CCDC178: variants seen among roughly 807,000 people sequenced by gnomAD.
The protein encoded by CCDC178 is coiled-coil domain-containing protein 178.
In CCDC178, 126 loss-of-function variants were observed where a neutral mutation model predicts 117.4. That is an observed-to-expected ratio of 1.07 (90% confidence interval 0.93 to 1.24). CCDC178 has a LOEUF of 1.24. CCDC178 is among the 50% of genes most tolerant of loss of function. The pLI is 0.00. For missense variants in CCDC178, 1,030 were observed against 986.9 expected, an observed-to-expected ratio of 1.04 and a Z score of -0.59; for synonymous variants, 283 against 313.4, an observed-to-expected ratio of 0.90 and a Z score of 1.02.
At chr18:33,415,056 T>C (rs2063915300) in intron 2 of CCDC178, among the ~76,000 whole-genome samples, 1 of 152,170 alleles carries the variant, frequency 6.6e-6, no homozygotes, top group Non-Finnish European at 1.5e-5. Flanking sequence ...AAACAATAGA[T>C]GCTGGAGAGG....
intron 20 of CCDC178, among the ~76,000 whole-genome samples, chr18:33,128,264 T>C (rs1186960871): frequency 6.6e-6 from 1 of 152,198 alleles, no homozygotes; most frequent in Non-Finnish European, 1.5e-5. Context: ...ATTGTTAAAA[T>C]GGTAAAGTCA....
intron 5 of CCDC178, among the ~76,000 whole-genome samples, chr18:33,375,146 T>C (rs2063347744): frequency 6.6e-6 from 1 of 152,196 alleles, no homozygotes; most frequent in African/African-American, 2.4e-5. Flanking sequence ...AAAAGACCAC[T>C]AAGCATATCC....
chr18:33,129,273 C>T (rs936898836), intron 20 of CCDC178, among the ~76,000 whole-genome samples: 1 of 151,996 alleles, frequency 6.6e-6, no homozygotes, highest in Non-Finnish European at 1.5e-5. Context: ...GAGTGCAAGA[C>T]ACTAGTTAAT....
intron 15 of CCDC178, among the ~76,000 whole-genome samples, 154 bp downstream of exon 15, chr18:33,245,089 GGA>G (rs1481013271): frequency 2.6e-5 from 4 of 151,906 alleles, no homozygotes; most frequent in Non-Finnish European, 5.9e-5. Flanking sequence ...CTGAGCCTTT[GGA>G]GAGAGGTGGT....
chr18:33,060,454 T>A (rs773233486), intron 21 of CCDC178, among the ~76,000 whole-genome samples: 9 of 152,144 alleles, frequency 5.9e-5, no homozygotes, highest in Non-Finnish European at 1.2e-4. Flanking sequence ...GATGCCCAGT[T>A]TTCTCAAATA....
intron 21 of CCDC178, among the ~76,000 whole-genome samples, chr18:33,063,620 C>A (rs757384140): frequency 1.3e-5 from 2 of 152,148 alleles, no homozygotes; most frequent in East Asian, 3.9e-4. Context: ...CCACTACACA[C>A]GCTGTACACA....
At chr18:33,260,562 G>A (rs1425368953) in intron 14 of CCDC178, among the ~76,000 whole-genome samples, 1 of 151,046 alleles carries the variant, frequency 6.6e-6, no homozygotes, top group Non-Finnish European at 1.5e-5. Flanking sequence ...TATTTTATCA[G>A]TCTGTGGTTT....
At chr18:33,257,797 C>T (rs1428517009) in intron 14 of CCDC178, among the ~76,000 whole-genome samples, 1 of 152,102 alleles carries the variant, frequency 6.6e-6, no homozygotes, top group Non-Finnish European at 1.5e-5. Flanking sequence ...TTGGGATCCT[C>T]CTCATCACTG....
At chr18:33,016,550 A>G (rs917624302) in intron 21 of CCDC178, among the ~76,000 whole-genome samples, 4 of 152,060 alleles carry the variant, frequency 2.6e-5, no homozygotes, top group Non-Finnish European at 2.9e-5. Flanking sequence ...AATTGAATAA[A>G]GAAATAATTA....
intron 20 of CCDC178, among the ~76,000 whole-genome samples, chr18:33,152,035 A>G (rs1274132442): frequency 6.6e-6 from 1 of 152,236 alleles, no homozygotes; most frequent in Non-Finnish European, 1.5e-5. Flanking sequence ...AGCATTCAAC[A>G]CAATTATTGA....
chr18:33,197,310 C>T (rs940844516), intron 20 of CCDC178, among the ~76,000 whole-genome samples: 3 of 152,062 alleles, frequency 2.0e-5, no homozygotes, highest in Admixed American at 6.6e-5. Flanking sequence ...ATTGCAGGTG[C>T]GAGCCACCGC....
intron 22 of CCDC178, among the ~76,000 whole-genome samples, chr18:32,960,243 T>C (rs974738977): frequency 3.3e-5 from 5 of 152,108 alleles, no homozygotes; most frequent in African/African-American, 1.2e-4. Flanking sequence ...CAGGCACTCA[T>C]GGATATTGTC....
In CCDC178 at chr18:33,419,174, A is replaced by ACC. The variant is rs368357643; in HGVS notation, c.-22-7065_-22-7064insGG. ...ATCTGGTCTTTGACAAAGTCGACAA[A>ACC]AACAAGCAACGGAGAAAGGACACCC... On this transcript the variant is annotated intron_variant, in intron 2 of 22. Transcript: ENST00000383096. Among the ~76,000 whole-genome samples, 840 of 152,314 alleles carry ACC rather than the reference A, an allele frequency of 5.5e-3. 6 individuals carry two copies. The highest frequency in any genetic ancestry group is 0.019 in the African/African-American group (794 of 41,560).
intron 21 of CCDC178, among the ~76,000 whole-genome samples, chr18:33,014,858 C>G (rs1022452389): frequency 2.0e-5 from 3 of 151,960 alleles, no homozygotes; most frequent in African/African-American, 7.3e-5. Flanking sequence ...ATAACAAGAA[C>G]AAAAAACCCT....
chr18:33,036,589 G>C lies in CCDC178; in HGVS notation c.2388+56172C>G, dbSNP rs117101407. Among the ~76,000 whole-genome samples the C allele has an allele frequency of 7.7e-3, 1,167 of 151,912 alleles. 10 individuals are homozygous for C. The highest frequency in any genetic ancestry group is 9.6e-3 in the Non-Finnish European group (652 of 67,882). On this transcript the variant is annotated intron_variant, in intron 21 of 22. Coordinates refer to ENST00000383096, the MANE Select transcript of CCDC178 (RefSeq NM_001105528.4). The stretch of plus-strand genomic sequence containing the variant: ...GACTGAGGGGAGGTATCCTAGAAAG[G>C]GTATGGCACGAGCAAAAGTCCAGGG...
chr18:32,981,913 T>C (rs1330528893), intron 21 of CCDC178, among the ~76,000 whole-genome samples: 4 of 152,168 alleles, frequency 2.6e-5, no homozygotes, highest in Non-Finnish European at 4.4e-5. Flanking sequence ...TTGCCATATG[T>C]AAAATATTTT....
At chr18:33,336,510 T>A (rs898991437) in intron 9 of CCDC178, among the ~76,000 whole-genome samples, 2 of 152,112 alleles carry the variant, frequency 1.3e-5, no homozygotes, top group African/African-American at 4.8e-5. Context: ...AGAACTAAAC[T>A]ACATGAGCAA....
At chr18:33,107,901 A>G (rs142800155) in intron 20 of CCDC178, among the ~76,000 whole-genome samples, 17 of 151,872 alleles carry the variant, frequency 1.1e-4, no homozygotes, top group Non-Finnish European at 1.9e-4. Flanking sequence ...AAGTTTCTCA[A>G]TAAGAGAAGA....
chr18:33,092,326 G>T (rs77980617), intron 21 of CCDC178, among the ~76,000 whole-genome samples: 4,661 of 152,004 alleles, frequency 0.031, 133 homozygotes, highest in East Asian at 0.14. Flanking sequence ...ATTAGAGAAA[G>T]TCAGCTATTT....
Sources: allele counts gnomAD v4.1 joint callset (sites outside exome capture counted in the v4.1 genomes callset), GRCh38; gene constraint gnomAD v4.1.1; transcripts MANE v1.5; gene names NCBI Gene and HGNC (gene_info 2026-07-23, HGNC 2026-07-21).